ARHGAP6: variants seen among roughly 807,000 people sequenced by gnomAD.
The protein encoded by ARHGAP6 is rho GTPase-activating protein 6.
A neutral mutation model predicts 55.7 loss-of-function variants in ARHGAP6; 16 were observed. That is an observed-to-expected ratio of 0.29 (90% CI 0.19 to 0.44). ARHGAP6 has a LOEUF of 0.44. Among genes scored for constraint, ARHGAP6 ranks in the 20% least tolerant of loss-of-function variants. The probability of loss-of-function intolerance (pLI) is 1.00; values close to 1 mark genes in which losing one functional copy is unlikely to be tolerated. For missense variants in ARHGAP6, 698 were observed against 808.9 expected (o/e 0.86, Z 1.66); for synonymous variants, 382 against 360.9 (o/e 1.06, Z -0.66).
At chrX:11,143,646 C>G in intron 11 of ARHGAP6, 6 of 991,772 alleles carry the variant, frequency 6.0e-6, no homozygotes, top group Non-Finnish European at 7.6e-6. Flanking sequence ...AATATGCAAC[C>G]CAAATCCAGT....
At chrX:11,594,321 T>C (rs944180653) in intron 1 of ARHGAP6, among the ~76,000 whole-genome samples, 4 of 112,429 alleles carry the variant, frequency 3.6e-5, no homozygotes, top group African/African-American at 1.3e-4. Context: ...AGCAGAGAAG[T>C]CACAGCTAAG....
chrX:11,441,949 A>G (rs897265111), intron 1 of ARHGAP6, among the ~76,000 whole-genome samples: 2 of 110,156 alleles, frequency 1.8e-5, no homozygotes, highest in African/African-American at 6.6e-5. Context: ...ATATATACAC[A>G]CATATACGTA....
At chrX:11,305,877 T>A (rs1049621111) in intron 1 of ARHGAP6, among the ~76,000 whole-genome samples, 1 of 112,020 alleles carries the variant, frequency 8.9e-6, no homozygotes, top group African/African-American at 3.3e-5. Flanking sequence ...CCATGGAGAA[T>A]ATAAAGCAGT....
Position 11,399,042 on chromosome X carries a change from C to A in ARHGAP6, c.589-144335G>T, listed in dbSNP as rs145171862. Among the ~76,000 whole-genome samples the A allele has an allele frequency of 8.2e-3, 913 of 111,905 alleles. 10 individuals carry two copies. The highest frequency in any genetic ancestry group is 0.028 in the African/African-American group (868 of 30,789). On this transcript the variant is annotated intron_variant, in intron 1 of 12. Coordinates refer to ENST00000337414, the MANE Select transcript of ARHGAP6 (RefSeq NM_013427.3). ...CTAGAAATATTGCTGGCATTGATTT[C>A]TTTAAGCACATTTAAACACAAAAGC... is the stretch of plus-strand genomic sequence containing the variant.
intron 1 of ARHGAP6, among the ~76,000 whole-genome samples, chrX:11,507,515 A>G (rs1229368312): frequency 8.9e-6 from 1 of 112,019 alleles, no homozygotes; most frequent in East Asian, 2.8e-4. Context: ...ATTATTTCCA[A>G]TACACACTTT....
intron 1 of ARHGAP6, among the ~76,000 whole-genome samples, chrX:11,523,896 T>C (rs185047520): frequency 9.0e-4 from 100 of 111,660 alleles, no homozygotes; most frequent in Non-Finnish European, 1.5e-3. Context: ...TTTAGCATCA[T>C]ACAGTCTGGG....
intron 2 of ARHGAP6, among the ~76,000 whole-genome samples, chrX:11,198,285 G>A (rs1004902553): frequency 8.0e-5 from 9 of 111,872 alleles, no homozygotes; most frequent in African/African-American, 2.9e-4. Flanking sequence ...TTGTAGTCAC[G>A]CAATTTGTAT....
intron 1 of ARHGAP6, among the ~76,000 whole-genome samples, chrX:11,376,856 A>AG (rs1238556733): frequency 9.0e-6 from 1 of 111,264 alleles, no homozygotes; most frequent in Admixed American, 9.5e-5. Context: ...TGATGAGACA[A>AG]GGGGGGCCCA....
chrX:11,564,571 T>G (rs1467796251), intron 1 of ARHGAP6, among the ~76,000 whole-genome samples: 2 of 111,395 alleles, frequency 1.8e-5, no homozygotes, highest in African/African-American at 6.5e-5. Flanking sequence ...TAAAATTTCT[T>G]AACAAAACCT....
At chrX:11,243,187 C>T (rs761569273) in intron 2 of ARHGAP6, among the ~76,000 whole-genome samples, 4 of 111,676 alleles carry the variant, frequency 3.6e-5, no homozygotes, top group Admixed American at 9.5e-5. Context: ...AATGTTCTTC[C>T]GTATACCAGT....
At chrX:11,661,878 T>C (rs1039833770) in intron 1 of ARHGAP6, among the ~76,000 whole-genome samples, 17 of 111,942 alleles carry the variant, frequency 1.5e-4, no homozygotes, top group Non-Finnish European at 2.8e-4. Flanking sequence ...TCTAGAGACA[T>C]TGTTTGTTGT....
intron 1 of ARHGAP6, among the ~76,000 whole-genome samples, chrX:11,659,444 AT>A (rs1169037339): frequency 1.9e-5 from 2 of 103,902 alleles, no homozygotes; most frequent in Admixed American, 2.0e-4. Flanking sequence ...ACTGCAGGGT[AT>A]TTAAAAGAAG....
intron 1 of ARHGAP6, among the ~76,000 whole-genome samples, chrX:11,573,450 C>T (rs1218852518): frequency 3.1e-4 from 34 of 110,368 alleles, no homozygotes; most frequent in African/African-American, 9.9e-4. Flanking sequence ...GGAATCCTTT[C>T]CCCGTTGCTT....
intron 1 of ARHGAP6, among the ~76,000 whole-genome samples, chrX:11,452,758 T>C (rs2050155671): frequency 8.9e-6 from 1 of 111,904 alleles, no homozygotes; most frequent in African/African-American, 3.2e-5. Context: ...GATTTTTTCA[T>C]AGAAGCAGGC....
intron 1 of ARHGAP6, among the ~76,000 whole-genome samples, chrX:11,557,715 T>C (rs1194848344): frequency 8.9e-6 from 1 of 112,307 alleles, no homozygotes; most frequent in Non-Finnish European, 1.9e-5. Context: ...AGTCTCACGT[T>C]AGGTACCATC....
At chrX:11,294,851 A>C (rs775768556) in intron 1 of ARHGAP6, 3 of 1,208,842 alleles carry the variant, frequency 2.5e-6, no homozygotes, top group Admixed American at 4.4e-5. Context: ...CTGTGAGTAA[A>C]ACACCCCTTG....
chrX:11,566,970 T>C (rs1601651221), intron 1 of ARHGAP6, among the ~76,000 whole-genome samples: 1 of 112,031 alleles, frequency 8.9e-6, no homozygotes, highest in East Asian at 2.8e-4. Context: ...TTCCAAAAGC[T>C]TTACTCACAA....
intron 1 of ARHGAP6, among the ~76,000 whole-genome samples, chrX:11,451,638 ACTC>A (rs1417167813): frequency 9.0e-6 from 1 of 111,474 alleles, no homozygotes; most frequent in African/African-American, 3.3e-5. Flanking sequence ...TTTGCTGCTC[ACTC>A]TGTCTACAGT....
chrX:11,178,742 T>C (rs2046271059), intron 7 of ARHGAP6, among the ~76,000 whole-genome samples: 1 of 112,484 alleles, frequency 8.9e-6, no homozygotes, highest in African/African-American at 3.2e-5. Flanking sequence ...CTCTCCGTTG[T>C]GATCCTATTT....
Sources: allele counts gnomAD v4.1 joint callset (sites outside exome capture counted in the v4.1 genomes callset), GRCh38; gene constraint gnomAD v4.1.1; transcripts MANE v1.5; gene names NCBI Gene and HGNC (gene_info 2026-07-23, HGNC 2026-07-21).